Variants in LAMC1 observed in about 807,000 individuals in gnomAD.
LAMC1 encodes the protein laminin subunit gamma-1.
Under a neutral mutation model 173.6 loss-of-function variants are expected in LAMC1, and 38 were observed. That is an observed-to-expected ratio of 0.22 (90% CI 0.17 to 0.29). LAMC1 has a LOEUF of 0.29. Among genes scored for constraint, LAMC1 ranks in the 10% least tolerant of loss-of-function variants. The probability of loss-of-function intolerance (pLI) is 1.00; values close to 1 mark genes in which losing one functional copy is unlikely to be tolerated. For missense variants in LAMC1, 1,824 were observed against 2,051.8 expected, an observed-to-expected ratio of 0.89 and a Z score of 2.14; for synonymous variants, 746 against 749.1, an observed-to-expected ratio of 1.00 and a Z score of 0.07.
At chr1:183,110,729 C>CT in intron 4 of LAMC1, 75 bp downstream of exon 4, 1 of 1,407,324 alleles carries the variant, frequency 7.1e-7, no homozygotes, top group Admixed American at 2.0e-5. Flanking sequence ...GGGTGACTTT[C>CT]TTTTATTCCT....
rs763549550 is a variant in LAMC1 at position 183,124,710 on chromosome 1, G to A, written c.2481G>A (p.Leu827=). 4 of 1,614,118 alleles carry A rather than the reference G, an allele frequency of 2.5e-6. No homozygotes were observed. The highest frequency in any genetic ancestry group is 4.5e-5 in the East Asian group (2 of 44,898). ...ACGGCCCTGTGAGACTTTGCCGCCTGTGCCAGTGCAGTGACAACATCGATC... is the reference window on the plus strand; with the variant it reads ...ACGGCCCTGTGAGACTTTGCCGCCTATGCCAGTGCAGTGACAACATCGATC... ...GRNGPVRLCR[L]CQCSDNIDPN... Residue 827 remains leucine, a synonymous_variant, in exon 14 of 28, where the codon CTG becomes CTA. Coordinates refer to ENST00000258341, the MANE Select transcript of LAMC1 (RefSeq NM_002293.4).
chr1:183,033,054 A>T (rs1027289350), intron 1 of LAMC1, among the ~76,000 whole-genome samples: 3 of 152,282 alleles, frequency 2.0e-5, no homozygotes, highest in Admixed American at 6.5e-5. Flanking sequence ...CTTTCAGCCA[A>T]TTGTAGTACA....
intron 1 of LAMC1, among the ~76,000 whole-genome samples, chr1:183,041,758 A>G (rs534155364): frequency 6.6e-6 from 1 of 152,310 alleles, no homozygotes; most frequent in South Asian, 2.1e-4. Flanking sequence ...GGAGGATTTC[A>G]TTGGCTTCCC....
chr1:183,131,959 G>A (rs1032812359), intron 20 of LAMC1, among the ~76,000 whole-genome samples: 5 of 152,118 alleles, frequency 3.3e-5, no homozygotes, highest in African/African-American at 4.8e-5. Flanking sequence ...AATGAATGAC[G>A]TTTTCTAATA....
In LAMC1 at chr1:183,103,593, G is replaced by A; in HGVS notation, c.684G>A (p.Arg228=). Residue 228 remains arginine (R), a synonymous_variant, in exon 2 of 28, where the codon AGG becomes AGA. Transcript: ENST00000258341. ...TGGCCTTTTCTACCCTGGAAGGAAGGCCCAGCGCCTATAACTTTGACAATA... is the reference window on the plus strand; with the variant it reads ...TGGCCTTTTCTACCCTGGAAGGAAGACCCAGCGCCTATAACTTTGACAATA... The part of the protein sequence containing the change: ...GNVAFSTLEG[R]PSAYNFDNSP... 3.1e-6 allele frequency: 5 copies of A among 1,594,222 alleles called. No homozygotes were observed. Among genetic ancestry groups the A allele is most frequent in the African/African-American group, 1.3e-5 (1 of 74,350 alleles).
Position 183,023,741 on chromosome 1 carries a change from C to G in LAMC1, c.25C>G (p.Pro9Ala). 8.3e-7 allele frequency: 1 copy of G among 1,200,294 alleles called. No individual in the cohort carries two copies. The highest frequency in any genetic ancestry group is 1.0e-6 in the Non-Finnish European group (1 of 959,540). 74.4% of individuals were successfully genotyped at this position (1,200,294 alleles called of 1,614,324 possible). A position where few individuals can be genotyped will look rare whatever the true frequency, so the allele number is the denominator to read the frequency against. MRGSHRAA[P>A]ALRPRGRLWP... ...GATGAGAGGGAGCCATCGGGCCGCG[C>G]CGGCCCTGCGGCCCCGGGGGCGGCT... The change falls in exon 1 of 28, where the codon CCG becomes GCG. Residue 9 changes from proline (P) to alanine (A), a missense_variant. Coordinates refer to ENST00000258341, the MANE Select transcript of LAMC1 (RefSeq NM_002293.4).
At chr1:183,130,767 T>C (rs1209957224) in intron 19 of LAMC1, among the ~76,000 whole-genome samples, 1 of 152,272 alleles carries the variant, frequency 6.6e-6, no homozygotes, top group East Asian at 1.9e-4. Flanking sequence ...GTTATTTCTC[T>C]AGCTTTGTTC....
chr1:183,054,930 A>G (rs556673333), intron 1 of LAMC1, among the ~76,000 whole-genome samples: 34 of 150,042 alleles, frequency 2.3e-4, no homozygotes, highest in African/African-American at 7.6e-4. Context: ...TTGGTGCTCT[A>G]TTGTGTTGCC....
intron 6 of LAMC1, 91 bp downstream of exon 6, chr1:183,115,728 A>G: frequency 2.2e-6 from 2 of 894,752 alleles, no homozygotes; most frequent in South Asian, 2.9e-5. Flanking sequence ...GCAGCAGGGT[A>G]AACATTTTTC....
chr1:183,046,509 T>C (rs894668327), intron 1 of LAMC1, among the ~76,000 whole-genome samples: 5 of 152,114 alleles, frequency 3.3e-5, no homozygotes, highest in Non-Finnish European at 7.4e-5. Context: ...ATTTAATAGT[T>C]TTCTCCTCAT....
At chr1:183,068,091 A>G (rs1341528913) in intron 1 of LAMC1, among the ~76,000 whole-genome samples, 1 of 152,186 alleles carries the variant, frequency 6.6e-6, no homozygotes, top group Non-Finnish European at 1.5e-5. Flanking sequence ...ACTGAGGCTT[A>G]GGGGCTAGAT....
chr1:183,134,602 CT>C, intron 22 of LAMC1, 57 bp from the exon 23 acceptor site: 1 of 1,420,836 alleles, frequency 7.0e-7, no homozygotes. Flanking sequence ...CTAAGCCTAC[CT>C]TTTCATTAGT....
chr1:183,025,689 T>G (rs1195377690), intron 1 of LAMC1, among the ~76,000 whole-genome samples: 1 of 152,278 alleles, frequency 6.6e-6, no homozygotes, highest in African/African-American at 2.4e-5. Context: ...TGTTAAAGTT[T>G]CTGTGTTCAA....
At chr1:183,087,703 G>A (rs953771075) in intron 1 of LAMC1, among the ~76,000 whole-genome samples, 4 of 152,066 alleles carry the variant, frequency 2.6e-5, no homozygotes, top group African/African-American at 9.7e-5. Context: ...GTTCCTCTAA[G>A]ATCCCAATAG....
At chr1:183,131,857 G>A (rs1656805203) in intron 20 of LAMC1, among the ~76,000 whole-genome samples, 1 of 152,156 alleles carries the variant, frequency 6.6e-6, no homozygotes. Flanking sequence ...TCTTATAAAT[G>A]TATACCAATA....
chr1:183,135,293 A>G, intron 24 of LAMC1, 137 bp downstream of exon 24: 1 of 630,782 alleles, frequency 1.6e-6, no homozygotes, highest in Admixed American at 2.8e-5. Context: ...TCAAAGGGAA[A>G]TCCCAGAGCT....
intron 1 of LAMC1, among the ~76,000 whole-genome samples, chr1:183,031,599 C>T (rs951783559): frequency 2.0e-5 from 3 of 152,130 alleles, no homozygotes; most frequent in Admixed American, 6.6e-5. Flanking sequence ...CCACCACACC[C>T]GGCCCTGCTT....
intron 14 of LAMC1, 80 bp downstream of exon 14, chr1:183,124,956 T>C: frequency 6.6e-7 from 1 of 1,521,336 alleles, no homozygotes; most frequent in East Asian, 2.3e-5. Flanking sequence ...TTAAAATATG[T>C]ATAGTTGTTT....
At chr1:183,136,072 CACA>C (rs1231638376) in intron 24 of LAMC1, among the ~76,000 whole-genome samples, 4 of 152,128 alleles carry the variant, frequency 2.6e-5, no homozygotes, top group Non-Finnish European at 4.4e-5. Context: ...GTACCCGACA[CACA>C]GTAAACACTA....
Sources: gnomAD v4.1 joint callset for allele counts (sites outside exome capture counted in the v4.1 genomes callset) on GRCh38, gnomAD v4.1.1 for gene constraint, MANE v1.5 for transcripts, NCBI Gene and HGNC (gene_info 2026-07-23, HGNC 2026-07-21) for gene names.